RPAP2: variants seen among roughly 807,000 people sequenced by gnomAD.
RPAP2 encodes the protein RNA polymerase II associated protein 2.
RPAP2 carries 52 observed loss-of-function variants against 73.1 expected under a neutral mutation model. The observed-to-expected ratio is 0.71, with a 90% CI of 0.57 to 0.90. The LOEUF (loss-of-function observed/expected upper bound fraction) is 0.90, where lower values mean the gene tolerates loss of function less well. Among genes scored for constraint, RPAP2 ranks in the 40% least tolerant of loss-of-function variants. The pLI is 0.00. For synonymous variants in RPAP2, 225 were observed against 242.1 expected, an observed-to-expected ratio of 0.93 and a Z score of 0.65; for missense variants, 598 against 701.8, an observed-to-expected ratio of 0.85 and a Z score of 1.67.
chr1:92,360,970 T>A (rs1049967180), intron 11 of RPAP2, among the ~76,000 whole-genome samples: 1 of 151,968 alleles, frequency 6.6e-6, no homozygotes, highest in African/African-American at 2.4e-5. Flanking sequence ...GTGACTAACC[T>A]TTATTTTCTC....
chr1:92,368,340 C>T (rs1038069791), intron 11 of RPAP2, among the ~76,000 whole-genome samples: 1 of 152,168 alleles, frequency 6.6e-6, no homozygotes, highest in African/African-American at 2.4e-5. Flanking sequence ...GATCGTGCCA[C>T]TGCACTCTAG....
At chr1:92,299,348 G>A (rs1401537439) in intron 1 of RPAP2, among the ~76,000 whole-genome samples, 1 of 152,276 alleles carries the variant, frequency 6.6e-6, no homozygotes, top group Non-Finnish European at 1.5e-5. Context: ...TTACGCCAGT[G>A]TTCCAAGATT....
At chr1:92,300,323 C>CTTTT in intron 2 of RPAP2, 84 bp downstream of exon 2, 2 of 831,662 alleles carry the variant, frequency 2.4e-6, no homozygotes, top group African/African-American at 1.8e-5. Flanking sequence ...TAATGGTTAC[C>CTTTT]TTTTTTTTTT....
chr1:92,358,095 T>C (rs964276212), intron 11 of RPAP2, among the ~76,000 whole-genome samples: 10 of 152,318 alleles, frequency 6.6e-5, no homozygotes, highest in African/African-American at 2.4e-4. Context: ...GGAAGGTTAG[T>C]CTTTCAGAGA....
chr1:92,333,672 A>ACAGAGG (rs1344813486), intron 9 of RPAP2, among the ~76,000 whole-genome samples, 199 bp downstream of exon 9: 1 of 152,160 alleles, frequency 6.6e-6, no homozygotes, highest in African/African-American at 2.4e-5. Context: ...TGTAGAGGAC[A>ACAGAGG]CAGAGGCACA....
chr1:92,378,697 G>C (rs1169497712), intron 11 of RPAP2, among the ~76,000 whole-genome samples: 1 of 152,140 alleles, frequency 6.6e-6, no homozygotes, highest in Non-Finnish European at 1.5e-5. Context: ...GGAAAAGCTA[G>C]AGTTAGCTTC....
rs78264226 is a variant in RPAP2 at position 92,334,316 on chromosome 1, C to T, written c.1538+843C>T. On this transcript the variant is annotated intron_variant, in intron 9 of 12. Coordinates refer to ENST00000610020, the MANE Select transcript of RPAP2 (RefSeq NM_024813.3). ...TTTTTTTCTCATTATCAAAGTTAGA[C>T]CTTTTTTGGTTTTTTATTTGAACCA... 3.9e-4 allele frequency among the ~76,000 whole-genome samples: 59 copies of T among 152,034 alleles called. No homozygotes were observed. The East Asian group carries it at 4.6e-3, about 12-fold the overall frequency.
chr1:92,380,683 T>C (rs1655590591), intron 11 of RPAP2, 41 bp from the exon 12 acceptor site: 1 of 1,456,506 alleles, frequency 6.9e-7, no homozygotes, highest in Middle Eastern at 1.8e-4. Flanking sequence ...TTTGCCCTTA[T>C]CATTTCATGG....
intron 11 of RPAP2, among the ~76,000 whole-genome samples, chr1:92,357,785 G>A (rs1654549110): frequency 6.6e-6 from 1 of 152,270 alleles, no homozygotes; most frequent in South Asian, 2.1e-4. Flanking sequence ...GCCTGCCTTG[G>A]CCTCCCAAAG....
chr1:92,360,592 C>T (rs115333376), intron 11 of RPAP2, among the ~76,000 whole-genome samples: 2,567 of 152,214 alleles, frequency 0.017, 40 homozygotes, highest in Non-Finnish European at 0.022. Flanking sequence ...TGGAATGTGG[C>T]CCATGAAGAG....
rs1266928358 is a variant in RPAP2 at position 92,400,698 on chromosome 1, G to A, written c.*13687G>A. The A allele has an allele frequency of 6.6e-6, 1 of 152,166 alleles. No individual in the cohort carries two copies. The highest frequency in any genetic ancestry group is 1.9e-4 in the East Asian group (1 of 5,184). The allele number at this position is 152,166 out of a possible 1,614,324, so 9.4% of individuals were successfully genotyped here. On this transcript the variant is annotated 3_prime_UTR_variant, in exon 13 of 13. Coordinates refer to ENST00000610020, the MANE Select transcript of RPAP2 (RefSeq NM_024813.3). ...GCCTTCACAATTAGTTTTAGGTTGG[G>A]AGACCGTGAACCCACCAAGCAGCCC...
chr1:92,367,743 CTTTCTGGTGACAT>C (rs1277255073), intron 11 of RPAP2, among the ~76,000 whole-genome samples: 1 of 152,164 alleles, frequency 6.6e-6, no homozygotes, highest in African/African-American at 2.4e-5. Context: ...GAGAAGCATG[CTTTCTGGTGACAT>C]TTTATTCACA....
At chr1:92,304,110 T>C (rs1651045788) in intron 4 of RPAP2, 35 bp downstream of exon 4, 2 of 1,460,548 alleles carry the variant, frequency 1.4e-6, no homozygotes, top group Non-Finnish European at 9.5e-7. Context: ...TATAGGCTTT[T>C]ATTATTTTCA....
At chr1:92,299,238 G>T in intron 1 of RPAP2, 92 bp downstream of exon 1, 1 of 671,248 alleles carries the variant, frequency 1.5e-6, no homozygotes, top group East Asian at 3.4e-5. Flanking sequence ...CTCCTGAAAG[G>T]CTGCTTCAGG....
rs1232256381 is a variant in RPAP2, at chr1:92,396,349, T to G, written c.*9338T>G. On this transcript the variant is annotated 3_prime_UTR_variant, in exon 13 of 13. Transcript: ENST00000610020. Reference sequence around the variant, plus strand: ...ATACCCAGATTATTTCTTTTTCTTTTTTTTTTTAACTGGTGGATTTCTTTA... The same window carrying G: ...ATACCCAGATTATTTCTTTTTCTTTGTTTTTTTAACTGGTGGATTTCTTTA... The G allele has an allele frequency of 1.3e-5, 2 of 152,070 alleles. No homozygotes were observed. Among genetic ancestry groups the G allele is most frequent in the Non-Finnish European group, 2.9e-5 (2 of 68,006 alleles). The allele number at this position is 152,070 out of a possible 1,614,324, so 9.4% of individuals were successfully genotyped here.
Position 92,390,232 on chromosome 1 carries a change from G to C in RPAP2, c.*3221G>C, listed in dbSNP as rs1656000060. On this transcript the variant is annotated 3_prime_UTR_variant, in exon 13 of 13. Coordinates refer to ENST00000610020, the MANE Select transcript of RPAP2 (RefSeq NM_024813.3). The stretch of plus-strand genomic sequence containing the variant: ...CCCTACAAGCCAGAAGAGAATGGGG[G>C]CCAATATTCAACATTCTTAAAGAAA... 1 of 152,216 alleles carries C rather than the reference G, an allele frequency of 6.6e-6. No homozygotes were observed. Among genetic ancestry groups the C allele is most frequent in the African/African-American group, 2.4e-5 (1 of 41,454 alleles). The allele number at this position is 152,216 out of a possible 1,614,324, so 9.4% of individuals were successfully genotyped here.
At chr1:92,309,946 T>C (rs1391314114) in intron 6 of RPAP2, among the ~76,000 whole-genome samples, 1 of 152,180 alleles carries the variant, frequency 6.6e-6, no homozygotes, top group Non-Finnish European at 1.5e-5. Flanking sequence ...CTGATATTGG[T>C]GTACAAAATG....
intron 11 of RPAP2, among the ~76,000 whole-genome samples, chr1:92,366,303 T>C (rs1240345169): frequency 1.3e-5 from 2 of 152,176 alleles, no homozygotes; most frequent in African/African-American, 4.8e-5. Flanking sequence ...ACCATGTCTC[T>C]TAAAAAAAGT....
intron 11 of RPAP2, among the ~76,000 whole-genome samples, chr1:92,368,373 T>C (rs1404582330): frequency 6.6e-6 from 1 of 152,114 alleles, no homozygotes; most frequent in Non-Finnish European, 1.5e-5. Flanking sequence ...AGCAAGACTC[T>C]GTCTCAAAAA....
Sources: allele counts gnomAD v4.1 joint callset (sites outside exome capture counted in the v4.1 genomes callset), GRCh38; gene constraint gnomAD v4.1.1; transcripts MANE v1.5; gene names NCBI Gene and HGNC (gene_info 2026-07-23, HGNC 2026-07-21).